Variants in ACVR1C observed in about 807,000 individuals in gnomAD.
The protein encoded by ACVR1C is activin receptor type-1C.
ACVR1C carries 23 observed loss-of-function variants against 57.9 expected under a neutral mutation model. That is an observed-to-expected ratio of 0.40 (90% CI 0.29 to 0.56). The LOEUF (loss-of-function observed/expected upper bound fraction) is 0.56, where lower values mean the gene tolerates loss of function less well. Among genes scored for constraint, ACVR1C ranks in the 20% least tolerant of loss-of-function variants. The pLI is 0.50. For synonymous variants in ACVR1C, 214 were observed against 215.3 expected (o/e 0.99, Z 0.05); for missense variants, 480 against 607.9 (o/e 0.79, Z 2.21).
At chr2:157,537,222 A>G (rs1250361220) in intron 8 of ACVR1C, among the ~76,000 whole-genome samples, 2 of 152,054 alleles carry the variant, frequency 1.3e-5, no homozygotes, top group African/African-American at 4.8e-5. Flanking sequence ...AAAGCAAGAA[A>G]TTAGTAAAGA....
At chr2:157,565,432 C>T (rs1455344665) in intron 2 of ACVR1C, among the ~76,000 whole-genome samples, 3 of 152,058 alleles carry the variant, frequency 2.0e-5, no homozygotes, top group Non-Finnish European at 4.4e-5. Context: ...AAGAATCATC[C>T]AATTACAAGT....
chr2:157,601,776 G>T (rs1187117950), intron 1 of ACVR1C, among the ~76,000 whole-genome samples: 1 of 152,128 alleles, frequency 6.6e-6, no homozygotes, highest in Non-Finnish European at 1.5e-5. Flanking sequence ...AGCCTGAGAG[G>T]TTACCACACC....
intron 1 of ACVR1C, among the ~76,000 whole-genome samples, chr2:157,605,636 T>C (rs1682375899): frequency 6.6e-6 from 1 of 151,738 alleles, no homozygotes. Flanking sequence ...TTATAACCTA[T>C]GGACATCCTC....
At chr2:157,559,682 G>T (rs1385140797) in intron 2 of ACVR1C, among the ~76,000 whole-genome samples, 1 of 152,102 alleles carries the variant, frequency 6.6e-6, no homozygotes, top group Non-Finnish European at 1.5e-5. Context: ...GAGGAGTGCT[G>T]CATTGTTAAT....
At chr2:157,626,230 A>G (rs1372169698) in intron 1 of ACVR1C, among the ~76,000 whole-genome samples, 2 of 152,200 alleles carry the variant, frequency 1.3e-5, no homozygotes, top group East Asian at 1.9e-4. Context: ...CGGCCTCCCA[A>G]AGTACTGGGA....
intron 1 of ACVR1C, among the ~76,000 whole-genome samples, chr2:157,627,510 C>T (rs1011320815): frequency 5.9e-5 from 9 of 152,158 alleles, no homozygotes; most frequent in African/African-American, 2.2e-4. Flanking sequence ...ACACTGAAAT[C>T]TGTACATGAC....
At position 157,541,078 on chromosome 2, in the gene ACVR1C, C is replaced by A. The variant is rs751781563; in HGVS notation, c.1225+12G>T. On this transcript the variant is annotated intron_variant, in intron 7 of 8. Coordinates refer to ENST00000243349, the MANE Select transcript of ACVR1C (RefSeq NM_145259.3). Reference sequence around the variant, plus strand: ...GGAAAGGCAAACACAAAGGATATTTCCAAAATTTTACCTCCGACTGAACAC... The same window carrying A: ...GGAAAGGCAAACACAAAGGATATTTACAAAATTTTACCTCCGACTGAACAC... 3.1e-6 allele frequency: 5 copies of A among 1,608,958 alleles called. No individual in the cohort carries two copies. The highest frequency in any genetic ancestry group is 2.5e-6 in the Non-Finnish European group (3 of 1,178,530).
chr2:157,563,007 A>T (rs922401628), intron 2 of ACVR1C, among the ~76,000 whole-genome samples: 3 of 152,214 alleles, frequency 2.0e-5, no homozygotes, highest in Admixed American at 6.5e-5. Context: ...CCCCACAGCC[A>T]ATATCATACT....
chr2:157,550,799 A>C (rs1687896695), intron 3 of ACVR1C, among the ~76,000 whole-genome samples: 1 of 152,112 alleles, frequency 6.6e-6, no homozygotes, highest in Non-Finnish European at 1.5e-5. Context: ...CAACTGGAAG[A>C]GCAAAATAAT....
chr2:157,549,767 C>T (rs927966976), intron 4 of ACVR1C, among the ~76,000 whole-genome samples: 11 of 146,192 alleles, frequency 7.5e-5, no homozygotes, highest in Non-Finnish European at 1.2e-4. Context: ...GGGCAGATCA[C>T]GAGGTCAGGA....
At chr2:157,558,157 T>C (rs937932449) in intron 2 of ACVR1C, among the ~76,000 whole-genome samples, 6 of 152,204 alleles carry the variant, frequency 3.9e-5, no homozygotes, top group Non-Finnish European at 8.8e-5. Flanking sequence ...CACTTCCACC[T>C]GTGGGCTACC....
chr2:157,628,624 T>C lies in ACVR1C; in HGVS notation c.21A>G (p.Ser7=), dbSNP rs777827727. ...GCAGCAGGAGAGCCTGGCGGAGCGC[T>C]GAGCAGAGCGCCCGGGTCATCGCCA... The part of the protein sequence containing the change: MTRALC[S]ALRQALLLLA... The change falls in exon 1 of 9, where the codon TCA becomes TCG. Residue 7 remains serine (S), a synonymous_variant. Coordinates refer to ENST00000243349, the MANE Select transcript of ACVR1C (RefSeq NM_145259.3). 3.6e-5 allele frequency: 57 copies of C among 1,594,872 alleles called. No individual in the cohort carries two copies. The highest frequency in any genetic ancestry group is 4.8e-5 in the Non-Finnish European group (56 of 1,171,884).
Position 157,544,504 on chromosome 2 carries a change from A to G in ACVR1C, c.884T>C (p.Leu295Pro). The G allele has an allele frequency of 6.2e-7, 1 of 1,614,142 alleles. No homozygotes were observed. Among genetic ancestry groups the G allele is most frequent in the Non-Finnish European group, 8.5e-7 (1 of 1,179,994 alleles). The change falls in exon 5 of 9, where the codon CTG becomes CCG. Residue 295 changes from leucine (L) to proline (P), a missense_variant. Physicochemically the swap from Leu to Pro is moderately conservative, Grantham distance 98. Transcript: ENST00000243349. ...CAGACCACTAGCAATTGAGAGCGCCAGCTTGATCATTCCAGCCACGGTCAC... is the reference window on the plus strand; with the variant it reads ...CAGACCACTAGCAATTGAGAGCGCCGGCTTGATCATTCCAGCCACGGTCAC... ...NIVTVAGMIK[L>P]ALSIASGLAH...
In ACVR1C at chr2:157,541,143, A is replaced by C; in HGVS notation, c.1172T>G (p.Ile391Ser). ...NIFESFKRAD[I>S]YSVGLVYWEI... ...CCAGTAAACCAGACCAACAGAATAG[A>C]TGTCAGCTCGTTTGAAGGACTCAAA... Residue 391 changes from isoleucine (I) to serine (S), a missense_variant, in exon 7 of 9, where the codon ATC (isoleucine) becomes AGC (serine). By Grantham distance (142) the Ile-to-Ser change is moderately radical. Coordinates refer to ENST00000243349, the MANE Select transcript of ACVR1C (RefSeq NM_145259.3). The C allele has an allele frequency of 6.2e-7, 1 of 1,614,052 alleles. No homozygotes were observed. Among genetic ancestry groups the C allele is most frequent in the East Asian group, 2.2e-5 (1 of 44,862 alleles).
intron 2 of ACVR1C, among the ~76,000 whole-genome samples, chr2:157,585,208 T>G (rs1184693713): frequency 6.6e-6 from 1 of 152,124 alleles, no homozygotes; most frequent in Non-Finnish European, 1.5e-5. Context: ...TGATAAAGGT[T>G]TGAGATTATG....
At chr2:157,623,810 G>T (rs1024768400) in intron 1 of ACVR1C, among the ~76,000 whole-genome samples, 1 of 151,992 alleles carries the variant, frequency 6.6e-6, no homozygotes, top group East Asian at 1.9e-4. Flanking sequence ...TCCATGATGT[G>T]CTTATTTCAC....
At chr2:157,544,272 C>T (rs532649253) in intron 5 of ACVR1C, among the ~76,000 whole-genome samples, 173 bp downstream of exon 5, 1 of 149,212 alleles carries the variant, frequency 6.7e-6, no homozygotes, top group Middle Eastern at 3.5e-3. Context: ...TCTCAAATTC[C>T]TGGCCTCAAG....
chr2:157,588,889 G>GTATATATA (rs1240049314), intron 1 of ACVR1C, among the ~76,000 whole-genome samples: 1 of 110,006 alleles, frequency 9.1e-6, no homozygotes, highest in Non-Finnish European at 2.0e-5. Flanking sequence ...ACGTGTGTGT[G>GTATATATA]TATATATATA....
chr2:157,550,598 G>A (rs1395218882), intron 3 of ACVR1C, among the ~76,000 whole-genome samples: 1 of 152,088 alleles, frequency 6.6e-6, no homozygotes, highest in Non-Finnish European at 1.5e-5. Flanking sequence ...ATATGAATTT[G>A]TCTTGTCGTA....
Sources: gnomAD v4.1 joint callset for allele counts (sites outside exome capture counted in the v4.1 genomes callset) on GRCh38, gnomAD v4.1.1 for gene constraint, MANE v1.5 for transcripts, NCBI Gene and HGNC (gene_info 2026-07-23, HGNC 2026-07-21) for gene names.